FRMD6: variants seen among roughly 807,000 people sequenced by gnomAD.
The protein encoded by FRMD6 is FERM domain containing 6.
In FRMD6, 37 loss-of-function variants were observed where a neutral mutation model predicts 73.2. The observed-to-expected ratio is 0.51, with a 90% CI of 0.39 to 0.66. The LOEUF is 0.66. FRMD6 is among the 30% of genes least tolerant of loss of function. The pLI is 0.00. For missense variants in FRMD6, 714 were observed against 780.5 expected (o/e 0.91, Z 1.02); for synonymous variants, 273 against 282.2 (o/e 0.97, Z 0.33).
At chr14:51,725,727 G>T in intron 12 of FRMD6, 52 bp from the exon 13 acceptor site, 1 of 1,259,362 alleles carries the variant, frequency 7.9e-7, no homozygotes, top group Non-Finnish European at 1.2e-6. Flanking sequence ...TATGGCAAGA[G>T]GTGTGAATAA....
intron 3 of FRMD6, among the ~76,000 whole-genome samples, chr14:51,699,466 T>A (rs1292435931): frequency 5.9e-5 from 9 of 152,040 alleles, no homozygotes; most frequent in Admixed American, 5.9e-4. Context: ...ATAAAACCAG[T>A]TTATAGCTTC....
intron 7 of FRMD6, among the ~76,000 whole-genome samples, chr14:51,710,111 ATCT>A (rs1269222136): frequency 1.3e-5 from 2 of 152,192 alleles, no homozygotes; most frequent in African/African-American, 4.8e-5. Flanking sequence ...TCCCCAATTT[ATCT>A]TCTGTGTAAA....
At chr14:51,637,871 T>C (rs946032909) in intron 2 of FRMD6, 2 of 152,208 alleles carry the variant, frequency 1.3e-5, no homozygotes, top group African/African-American at 4.8e-5. Flanking sequence ...CCATTCCAAT[T>C]TAACTCATCT....
At chr14:51,443,377 A>G in the FRMD6 span, among the ~76,000 whole-genome samples, 1 of 152,354 alleles carries the variant, frequency 6.6e-6, no homozygotes, top group African/African-American at 2.4e-5. Context: ...CTGAGTGTCA[A>G]AATGGATATG....
Position 51,587,702 on chromosome 14 carries a change from G to A in FRMD6, c.-147+17292G>A, listed in dbSNP as rs562839225. 3.3e-5 allele frequency among the ~76,000 whole-genome samples: 5 copies of A among 152,206 alleles called. No individual in the cohort carries two copies. In the South Asian group the frequency reaches 1.0e-3, roughly 32 times the overall value. ...GCCAGGACCAAACCTATCTGTTTAT[G>A]GGGTTGTGCAGACCCATCTAGACAT... On this transcript the variant is annotated intron_variant, in intron 2 of 14. Coordinates refer to the FRMD6 transcript ENST00000356218.
At chr14:51,683,361 AGCCCATCTCC>A (rs1894935855) in intron 1 of FRMD6, among the ~76,000 whole-genome samples, 1 of 151,998 alleles carries the variant, frequency 6.6e-6, no homozygotes, top group East Asian at 1.9e-4. Flanking sequence ...CAATGACTTG[AGCCCATCTCC>A]TGGGCTCAAG....
At chr14:51,588,337 C>T (rs915944527) in intron 2 of FRMD6, among the ~76,000 whole-genome samples, 2 of 151,894 alleles carry the variant, frequency 1.3e-5, no homozygotes, top group Non-Finnish European at 2.9e-5. Flanking sequence ...AGGTTTGTTA[C>T]ATATGTATAC....
At chr14:51,433,431 GT>G in the FRMD6 span, among the ~76,000 whole-genome samples, 1 of 152,140 alleles carries the variant, frequency 6.6e-6, no homozygotes, top group Non-Finnish European at 1.5e-5. Context: ...AGTGAGAAAA[GT>G]AAAATGCAAA....
At chr14:51,531,666 C>A (rs570447402) in intron 1 of FRMD6, among the ~76,000 whole-genome samples, 2 of 152,170 alleles carry the variant, frequency 1.3e-5, no homozygotes, top group Non-Finnish European at 2.9e-5. Flanking sequence ...ATATTCTTCC[C>A]GTACTCAACA....
chr14:51,694,165 G>T (rs961837434), intron 2 of FRMD6, among the ~76,000 whole-genome samples: 2 of 152,096 alleles, frequency 1.3e-5, no homozygotes, highest in Non-Finnish European at 2.9e-5. Flanking sequence ...ATTAATAGAA[G>T]CTATTTTAAA....
intron 1 of FRMD6, among the ~76,000 whole-genome samples, chr14:51,668,193 TATTA>T (rs1893737433): frequency 6.6e-6 from 1 of 152,206 alleles, no homozygotes; most frequent in Non-Finnish European, 1.5e-5. Flanking sequence ...AAAAATACTC[TATTA>T]ATTTATAGAA....
chr14:51,407,248 G>A, the FRMD6 span, among the ~76,000 whole-genome samples: 3 of 152,030 alleles, frequency 2.0e-5, no homozygotes, highest in African/African-American at 7.2e-5. Context: ...TTTTGCATCT[G>A]TGTTCAACAG....
At chr14:51,680,178 A>G (rs905552345) in intron 1 of FRMD6, among the ~76,000 whole-genome samples, 6 of 152,174 alleles carry the variant, frequency 3.9e-5, no homozygotes, top group African/African-American at 1.4e-4. Context: ...CTCTGTAACC[A>G]GGCTTCTCAT....
Position 51,550,585 on chromosome 14 carries a change from C to CCG in FRMD6, c.-209-19762_-209-19761insGC, listed in dbSNP as rs1555374779. ...AGAGGGCAGCTTGGGAGGAGACCCCCCCGCCATGCTTATAGCTTGAATGGA... is the reference window on the plus strand; with the variant it reads ...AGAGGGCAGCTTGGGAGGAGACCCCCCGCCGCCATGCTTATAGCTTGAATGGA... On this transcript the variant is annotated intron_variant, in intron 1 of 14. Transcript: ENST00000356218. Among the ~76,000 whole-genome samples, 5 of 151,046 alleles carry CCG rather than the reference C, an allele frequency of 3.3e-5. No individual in the cohort carries two copies. In the South Asian group the frequency reaches 8.4e-4, roughly 25 times the overall value.
intron 1 of FRMD6, among the ~76,000 whole-genome samples, chr14:51,665,303 A>G (rs958657376): frequency 5.3e-5 from 8 of 152,132 alleles, no homozygotes; most frequent in African/African-American, 1.4e-4. Flanking sequence ...CTTGTCCTCA[A>G]CATTGGGACC....
intron 1 of FRMD6, among the ~76,000 whole-genome samples, chr14:51,568,256 T>G (rs1887891270): frequency 6.6e-6 from 1 of 152,276 alleles, no homozygotes; most frequent in Admixed American, 6.5e-5. Context: ...CTTCCATTGA[T>G]TTAGGCATTA....
At chr14:51,672,518 C>G (rs1464443850) in intron 1 of FRMD6, among the ~76,000 whole-genome samples, 2 of 152,158 alleles carry the variant, frequency 1.3e-5, no homozygotes, top group African/African-American at 2.4e-5. Flanking sequence ...TGTAAAAAGA[C>G]TGCATTGACA....
the FRMD6 span, among the ~76,000 whole-genome samples, chr14:51,411,214 A>G: frequency 8.5e-5 from 13 of 152,322 alleles, 1 homozygote; most frequent in Admixed American, 7.2e-4. Flanking sequence ...TAGCTAATAC[A>G]ATTCAATTTC....
At chr14:51,587,454 C>A (rs539368347) in intron 2 of FRMD6, among the ~76,000 whole-genome samples, 4 of 152,116 alleles carry the variant, frequency 2.6e-5, no homozygotes, top group African/African-American at 9.7e-5. Flanking sequence ...GTGGCTGGTG[C>A]GAAATTGACC....
Sources: gnomAD v4.1 joint callset for allele counts (sites outside exome capture counted in the v4.1 genomes callset) on GRCh38, gnomAD v4.1.1 for gene constraint, MANE v1.5 for transcripts, NCBI Gene and HGNC (gene_info 2026-07-23, HGNC 2026-07-21) for gene names.